Variants in SORCS3 observed in about 807,000 individuals in gnomAD.
The protein encoded by SORCS3 is VPS10 domain-containing receptor SorCS3.
A neutral mutation model predicts 146.3 loss-of-function variants in SORCS3; 57 were observed. The ratio of observed to expected loss-of-function variants is 0.39; its 90% CI spans 0.31 to 0.49. The LOEUF (loss-of-function observed/expected upper bound fraction) is 0.49. SORCS3 is among the 20% of genes least tolerant of loss of function. The pLI, the probability that SORCS3 is intolerant of heterozygous loss-of-function variation, is 0.92. For synonymous variants in SORCS3, 653 were observed against 618.5 expected, an observed-to-expected ratio of 1.06 and a Z score of -0.83; for missense variants, 1,341 against 1,575.5, an observed-to-expected ratio of 0.85 and a Z score of 2.52.
At chr10:104,658,728 C>CATG (rs560678793) in intron 1 of SORCS3, among the ~76,000 whole-genome samples, 104 of 151,946 alleles carry the variant, frequency 6.8e-4, no homozygotes, top group African/African-American at 2.0e-3. Context: ...GATTATTGTG[C>CATG]ATGATGATGA....
intron 3 of SORCS3, among the ~76,000 whole-genome samples, chr10:104,956,152 A>G (rs1388856908): frequency 1.3e-5 from 2 of 152,238 alleles, no homozygotes; most frequent in Non-Finnish European, 1.5e-5. Flanking sequence ...TTTCAGGAAT[A>G]TAAGCACTCT....
intron 5 of SORCS3, among the ~76,000 whole-genome samples, chr10:105,056,225 C>A (rs1329424475): frequency 2.6e-4 from 40 of 152,156 alleles, no homozygotes; most frequent in Non-Finnish European, 1.0e-4. Flanking sequence ...GCTAGAATAG[C>A]GTTTCTCAAC....
intron 1 of SORCS3, among the ~76,000 whole-genome samples, chr10:104,811,674 A>G (rs893148281): frequency 2.0e-5 from 3 of 152,190 alleles, no homozygotes; most frequent in African/African-American, 7.2e-5. Flanking sequence ...GCAGCATCTC[A>G]TGGGGAGAGG....
intron 14 of SORCS3, among the ~76,000 whole-genome samples, chr10:105,183,688 A>C (rs2119574736): frequency 6.6e-6 from 1 of 151,964 alleles, no homozygotes; most frequent in South Asian, 2.1e-4. Flanking sequence ...TTGATTCATA[A>C]CCTTCAGATT....
At chr10:104,820,579 C>T (rs553224632) in intron 1 of SORCS3, among the ~76,000 whole-genome samples, 1 of 152,278 alleles carries the variant, frequency 6.6e-6, no homozygotes, top group African/African-American at 2.4e-5. Context: ...CTACTGTGAA[C>T]AAAATGCTCT....
chr10:105,034,586 A>G (rs551708500), intron 4 of SORCS3, among the ~76,000 whole-genome samples: 2 of 152,300 alleles, frequency 1.3e-5, no homozygotes, highest in East Asian at 1.9e-4. Context: ...GGCAAGCCTC[A>G]TCTATGATCT....
intron 7 of SORCS3, among the ~76,000 whole-genome samples, chr10:105,108,192 G>T (rs945400616): frequency 1.3e-5 from 2 of 152,122 alleles, no homozygotes; most frequent in South Asian, 4.1e-4. Context: ...CTAGGAACAC[G>T]GTGGCAGAAG....
At chr10:104,870,376 G>A (rs2018506501) in intron 2 of SORCS3, among the ~76,000 whole-genome samples, 1 of 151,982 alleles carries the variant, frequency 6.6e-6, no homozygotes, top group Non-Finnish European at 1.5e-5. Context: ...TATTTATTGA[G>A]CCCTTTGTGC....
chr10:105,236,449 G>A (rs1430277832), intron 20 of SORCS3, among the ~76,000 whole-genome samples: 1 of 152,160 alleles, frequency 6.6e-6, no homozygotes, highest in East Asian at 1.9e-4. Flanking sequence ...GAAAGAGGAC[G>A]ATTTTAAGTT....
intron 2 of SORCS3, among the ~76,000 whole-genome samples, chr10:104,857,069 A>T (rs1306054803): frequency 1.3e-5 from 2 of 149,242 alleles, no homozygotes; most frequent in Non-Finnish European, 3.0e-5. Context: ...TTGGAGGGAG[A>T]GAAAAACTTT....
intron 2 of SORCS3, among the ~76,000 whole-genome samples, chr10:104,904,069 T>C (rs1308222805): frequency 6.6e-6 from 1 of 152,238 alleles, no homozygotes; most frequent in African/African-American, 2.4e-5. Context: ...TTGCTAGATA[T>C]AACACACTTG....
chr10:104,687,129 A>G (rs990925776), intron 1 of SORCS3, among the ~76,000 whole-genome samples: 1 of 151,718 alleles, frequency 6.6e-6, no homozygotes, highest in African/African-American at 2.4e-5. Context: ...ACCCATCCAT[A>G]CATCCATGCA....
intron 3 of SORCS3, among the ~76,000 whole-genome samples, chr10:104,975,160 C>T (rs1390931184): frequency 6.6e-6 from 1 of 151,954 alleles, no homozygotes; most frequent in African/African-American, 2.4e-5. Context: ...TCTAGAAAAC[C>T]CCATTGTCTC....
chr10:104,693,641 G>A (rs570215946), intron 1 of SORCS3, among the ~76,000 whole-genome samples: 3 of 152,066 alleles, frequency 2.0e-5, no homozygotes, highest in East Asian at 1.9e-4. Context: ...TCTAATCTTC[G>A]CAATGACCCT....
Position 104,918,351 on chromosome 10 carries a change from C to T in SORCS3, c.795+2419C>T, listed in dbSNP as rs146275777. Among the ~76,000 whole-genome samples, 7 of 152,246 alleles carry T rather than the reference C, an allele frequency of 4.6e-5. No individual in the cohort carries two copies. The East Asian group carries it at 1.2e-3, about 25-fold the overall frequency. ...TCACATAGCCAGATAGAAAAAGGAG[C>T]CAGGATTAGAACCCAGGACTCTTGA... On this transcript the variant is annotated intron_variant, in intron 3 of 26. Transcript: ENST00000369701.
chr10:105,204,325 A>G (rs1177629058), intron 16 of SORCS3, among the ~76,000 whole-genome samples: 1 of 152,192 alleles, frequency 6.6e-6, no homozygotes, highest in Non-Finnish European at 1.5e-5. Context: ...CAAGAAATCA[A>G]ACAAGTCTTT....
chr10:104,896,106 C>G (rs913727090), intron 2 of SORCS3, among the ~76,000 whole-genome samples: 5 of 151,372 alleles, frequency 3.3e-5, no homozygotes, highest in African/African-American at 1.2e-4. Context: ...TTTTTTATTA[C>G]TGCCATTTTC....
At chr10:104,678,630 C>T (rs1249049765) in intron 1 of SORCS3, among the ~76,000 whole-genome samples, 1 of 152,208 alleles carries the variant, frequency 6.6e-6, no homozygotes, top group African/African-American at 2.4e-5. Context: ...TACTGTTAGC[C>T]TCCTGAGGGC....
chr10:104,685,134 A>G (rs1047249778), intron 1 of SORCS3, among the ~76,000 whole-genome samples: 1 of 152,100 alleles, frequency 6.6e-6, no homozygotes, highest in African/African-American at 2.4e-5. Context: ...TACTCAATAG[A>G]TATTGATGTT....
Sources: allele counts gnomAD v4.1 joint callset (sites outside exome capture counted in the v4.1 genomes callset), GRCh38; gene constraint gnomAD v4.1.1; transcripts MANE v1.5; gene names NCBI Gene and HGNC (gene_info 2026-07-23, HGNC 2026-07-21).